TCF12: variants seen among roughly 807,000 people sequenced by gnomAD.
TCF12 encodes the protein transcription factor 12.
In TCF12, 45 loss-of-function variants were observed where a neutral mutation model predicts 86.0. The observed-to-expected ratio is 0.52, with a 90% confidence interval of 0.41 to 0.67. The LOEUF (loss-of-function observed/expected upper bound fraction) is 0.67, where lower values mean the gene tolerates loss of function less well. Among genes scored for constraint, TCF12 ranks in the 30% least tolerant of loss-of-function variants. The pLI is 0.00. For missense variants in TCF12, 881 were observed against 859.9 expected (o/e 1.02, Z -0.31); for synonymous variants, 330 against 299.6 (o/e 1.10, Z -1.05).
At chr15:57,157,204 T>C (rs1482169421) in intron 5 of TCF12, among the ~76,000 whole-genome samples, 7 of 152,224 alleles carry the variant, frequency 4.6e-5, no homozygotes, top group African/African-American at 1.7e-4. Flanking sequence ...TAAATCGTTT[T>C]TTAAGAATGA....
At chr15:57,276,522 G>A (rs2061403126) in intron 19 of TCF12, among the ~76,000 whole-genome samples, 1 of 152,214 alleles carries the variant, frequency 6.6e-6, no homozygotes, top group Admixed American at 6.5e-5. Flanking sequence ...AAGAATACAT[G>A]TTTCAAGAGT....
At chr15:57,219,274 A>G (rs945947856) in intron 8 of TCF12, 27 of 1,189,836 alleles carry the variant, frequency 2.3e-5, no homozygotes, top group Non-Finnish European at 2.7e-5. Flanking sequence ...TAATACCTCA[A>G]ATTTTGTCTT....
In TCF12 at chr15:57,192,280, C is replaced by G; in HGVS notation, c.513C>G (p.Asp171Glu). The G allele has an allele frequency of 6.2e-7, 1 of 1,614,046 alleles. No individual in the cohort carries two copies. Among genetic ancestry groups the G allele is most frequent in the Non-Finnish European group, 8.5e-7 (1 of 1,179,954 alleles). The change falls in exon 7 of 21, where the codon GAC becomes GAG. Residue 171 changes from aspartate (D) to glutamate (E), a missense_variant. By Grantham distance (45) the Asp-to-Glu change is conservative (BLOSUM62 2). Transcript: ENST00000333725. ...ATSSRRRPLHDSAALDPLQAK... is the reference protein window; with the variant it reads ...ATSSRRRPLHESAALDPLQAK... The stretch of plus-strand genomic sequence containing the variant: ...GTTCCAGGAGGAGACCACTCCATGA[C>G]TCTGCAGCGCTTGGTGAGTGTATCA...
At chr15:57,075,810 CTCTCTCTCTCTCTCTCTCTCTCTCT>C (rs1204657960) in intron 4 of TCF12, among the ~76,000 whole-genome samples, 350 of 65,064 alleles carry the variant, frequency 5.4e-3, no homozygotes, top group Middle Eastern at 0.018. Context: ...TTCTTTCTCT[CTCTCTCTCTCTCTCTCTCTCTCTCT>C]TTTCTTTCTT....
chr15:57,137,954 G>A (rs2052674953), intron 5 of TCF12, among the ~76,000 whole-genome samples: 1 of 152,100 alleles, frequency 6.6e-6, no homozygotes, highest in Non-Finnish European at 1.5e-5. Flanking sequence ...TTGAACCCGG[G>A]AGGTAGAGGT....
chr15:57,075,828 C>CTCTT (rs1555498753), intron 4 of TCF12, among the ~76,000 whole-genome samples: 4 of 71,298 alleles, frequency 5.6e-5, no homozygotes, highest in Non-Finnish European at 5.2e-5. Flanking sequence ...CTCTCTCTCT[C>CTCTT]TCTCTCTTTT....
At chr15:57,154,297 C>T (rs966373333) in intron 5 of TCF12, among the ~76,000 whole-genome samples, 2 of 152,094 alleles carry the variant, frequency 1.3e-5, no homozygotes, top group Non-Finnish European at 2.9e-5. Flanking sequence ...CTAACCCTGG[C>T]GCTCCTTTTT....
At chr15:57,026,085 A>G (rs1459472192) in intron 3 of TCF12, among the ~76,000 whole-genome samples, 1 of 152,212 alleles carries the variant, frequency 6.6e-6, no homozygotes, top group Non-Finnish European at 1.5e-5. Flanking sequence ...TCTAGAACAG[A>G]GATAGGAAAA....
At chr15:57,061,578 G>A (rs2141698497) in intron 3 of TCF12, among the ~76,000 whole-genome samples, 1 of 152,188 alleles carries the variant, frequency 6.6e-6, no homozygotes, top group East Asian at 1.9e-4. Context: ...ACTGCAGCCT[G>A]GATGACAGAA....
chr15:57,087,110 TCC>T (rs2048698445), intron 4 of TCF12, among the ~76,000 whole-genome samples: 1 of 149,644 alleles, frequency 6.7e-6, no homozygotes, highest in African/African-American at 2.5e-5. Flanking sequence ...TCTCTCCCTC[TCC>T]CTCTCCCTAC....
At chr15:57,155,255 A>G (rs1443861817) in intron 5 of TCF12, among the ~76,000 whole-genome samples, 1 of 151,738 alleles carries the variant, frequency 6.6e-6, no homozygotes, top group African/African-American at 2.4e-5. Flanking sequence ...CAAATATTCT[A>G]TTCTGACACA....
chr15:57,034,789 C>G (rs11854006), intron 3 of TCF12, among the ~76,000 whole-genome samples: 14,390 of 152,122 alleles, frequency 0.095, 1,163 homozygotes, highest in Admixed American at 0.2. Flanking sequence ...AAACCCAGAA[C>G]TAGGACACTG....
At chr15:57,224,255 C>T (rs1264605796) in intron 8 of TCF12, among the ~76,000 whole-genome samples, 9 of 151,944 alleles carry the variant, frequency 5.9e-5, no homozygotes, top group African/African-American at 1.4e-4. Context: ...AGGTAGGTAA[C>T]GTGTCAGTCA....
At chr15:56,962,130 C>CT (rs2061788061) in intron 3 of TCF12, among the ~76,000 whole-genome samples, 1 of 102,330 alleles carries the variant, frequency 9.8e-6, no homozygotes, top group African/African-American at 3.9e-5. Flanking sequence ...GAGACTCCGT[C>CT]TCAAAAAAAA....
At chr15:56,918,622 C>A, upstream of TCF12, 1 of 210,702 alleles carries the variant, frequency 4.7e-6, no homozygotes, top group South Asian at 5.5e-5. Flanking sequence ...CGGCTCTTCC[C>A]GGCGCGGAGG....
chr15:57,174,741 T>C (rs1389105011), intron 6 of TCF12, among the ~76,000 whole-genome samples: 1 of 152,146 alleles, frequency 6.6e-6, no homozygotes, highest in Non-Finnish European at 1.5e-5. Context: ...CAGCAAAAAT[T>C]AGAAAATAAA....
At chr15:57,247,464 A>G in intron 13 of TCF12, 1 of 720,562 alleles carries the variant, frequency 1.4e-6, no homozygotes, top group East Asian at 2.5e-5. Flanking sequence ...TTTACTTCAC[A>G]GTTATGCCCA....
chr15:56,968,540 A>G (rs1364543114), intron 3 of TCF12, among the ~76,000 whole-genome samples: 1 of 152,044 alleles, frequency 6.6e-6, no homozygotes, highest in Non-Finnish European at 1.5e-5. Flanking sequence ...CTTTTATAGC[A>G]CTAAGCTAAG....
rs189198094 is a variant in TCF12 at position 57,125,129 on chromosome 15, T to C, written c.325+33238T>C. Among the ~76,000 whole-genome samples the C allele has an allele frequency of 3.4e-3, 519 of 152,266 alleles. 8 individuals are homozygous for C. Among genetic ancestry groups the C allele is most frequent in the Non-Finnish European group, 1.8e-3 (124 of 68,010 alleles). Reference sequence around the variant, plus strand: ...TGATACAGATCCCACTGAGGACAGATAGCCAAGCTTTCATGCCCAGGTTCA... The same window carrying C: ...TGATACAGATCCCACTGAGGACAGACAGCCAAGCTTTCATGCCCAGGTTCA... On this transcript the variant is annotated intron_variant, in intron 5 of 20. Coordinates refer to ENST00000333725, the MANE Select transcript of TCF12 (RefSeq NM_207037.2).
Sources: allele counts gnomAD v4.1 joint callset (sites outside exome capture counted in the v4.1 genomes callset), GRCh38; gene constraint gnomAD v4.1.1; transcripts MANE v1.5; gene names NCBI Gene and HGNC (gene_info 2026-07-23, HGNC 2026-07-21).